The following CYP4F11 variants were observed in gnomAD, a reference collection of about 807,000 sequenced individuals.
CYP4F11 encodes cytochrome P450 4F11.
A neutral mutation model predicts 62.2 loss-of-function variants in CYP4F11; 79 were observed. The ratio of observed to expected loss-of-function variants is 1.27; its 90% CI spans 1.06 to 1.53. The LOEUF (loss-of-function observed/expected upper bound fraction) is 1.53. Among genes scored for constraint, CYP4F11 ranks in the 40% most tolerant of loss-of-function variants. The pLI is 0.00. For synonymous variants in CYP4F11, 290 were observed against 263.7 expected (o/e 1.10, Z -0.97); for missense variants, 777 against 680.5 (o/e 1.14, Z -1.58).
At chr19:15,924,716 C>T in intron 5 of CYP4F11, 45 bp downstream of exon 5, 1 of 1,593,764 alleles carries the variant, frequency 6.3e-7, no homozygotes, top group African/African-American at 1.3e-5. Context: ...AGCCTACTCC[C>T]TTGGGTTCCA....
rs1555777257 is a variant in CYP4F11, at chr19:15,919,478, A to AGAT, written c.1115+2556_1115+2558dup. ...TGAACGGATGGACAGATGTATAGAT[A>AGAT]GATAGATAGATAGATAGATAGATAG... is the stretch of plus-strand genomic sequence containing the variant. On this transcript the variant is annotated intron_variant, in intron 8 of 11. Coordinates refer to ENST00000402119, the MANE Select transcript of CYP4F11 (RefSeq NM_021187.4). Among the ~76,000 whole-genome samples, 12 of 99,700 alleles carry AGAT rather than the reference A, an allele frequency of 1.2e-4. No individual in the cohort carries two copies. In the South Asian group the frequency reaches 3.7e-3, roughly 31 times the overall value. 65.4% of individuals were successfully genotyped at this position (99,700 alleles called of 152,430 possible).
Position 15,922,370 on chromosome 19 carries a change from A to G in CYP4F11, c.979T>C (p.Phe327Leu), listed in dbSNP as rs762000245. The G allele has an allele frequency of 1.1e-5, 17 of 1,614,046 alleles. No homozygotes were observed. Among genetic ancestry groups the G allele is most frequent in the Non-Finnish European group, 1.4e-5 (17 of 1,179,958 alleles). The change falls in exon 7 of 12, where the codon TTT becomes CTT. Residue 327 changes from phenylalanine to leucine, a missense_variant. Coordinates refer to ENST00000402119, the MANE Select transcript of CYP4F11 (RefSeq NM_021187.4). ...CCCACACTGAGACCCTCACCCTCAA[A>G]CATGAAGGTGTCAGCTTCTGCTCTT... The part of the protein sequence containing the change: ...DIRAEADTFM[F>L]EGHDTTASGL...
intron 2 of CYP4F11, 163 bp from the exon 3 acceptor site, chr19:15,927,646 G>A: frequency 1.1e-6 from 1 of 882,602 alleles, no homozygotes; most frequent in Non-Finnish European, 1.8e-6. Flanking sequence ...GTGGAGGAAG[G>A]AGAGACCAGA....
rs1213508057 is a variant in CYP4F11, at chr19:15,914,915, C to G, written c.1116-20G>C. ...TCGTCCCTAAGAAAACACCCCAGCC[C>G]CAATCATTATCAAGGGAACAAAGAC... On this transcript the variant is annotated intron_variant, in intron 8 of 11. Transcript: ENST00000402119. 6.2e-7 allele frequency: 1 copy of G among 1,612,666 alleles called. No individual in the cohort carries two copies. The highest frequency in any genetic ancestry group is 8.5e-7 in the Non-Finnish European group (1 of 1,179,600).
Position 15,924,813 on chromosome 19 carries a change from T to C in CYP4F11, c.595A>G (p.Thr199Ala), listed in dbSNP as rs2089656523. 1 of 1,613,160 alleles carries C rather than the reference T, an allele frequency of 6.2e-7. No individual in the cohort carries two copies. The highest frequency in any genetic ancestry group is 1.3e-5 in the African/African-American group (1 of 74,876). Reference sequence around the variant, plus strand: ...ACACATTTCTGCAGACTGTCCAAGGTCATGAGGCTGATGTGTTCAAACATG... The same window carrying C: ...ACACATTTCTGCAGACTGTCCAAGGCCATGAGGCTGATGTGTTCAAACATG... ...LDMFEHISLM[T>A]LDSLQKCVFS... The change falls in exon 5 of 12, where the codon ACC becomes GCC. Residue 199 changes from threonine to alanine, a missense_variant. Physicochemically the swap from Thr to Ala is moderately conservative, Grantham distance 58. Coordinates refer to ENST00000402119, the MANE Select transcript of CYP4F11 (RefSeq NM_021187.4).
chr19:15,924,716 C>G, intron 5 of CYP4F11, 45 bp downstream of exon 5: 1 of 1,593,764 alleles, frequency 6.3e-7, no homozygotes, highest in South Asian at 1.1e-5. Flanking sequence ...AGCCTACTCC[C>G]TTGGGTTCCA....
Position 15,913,409 on chromosome 19 carries a change from C to T in CYP4F11, c.*323G>A, listed in dbSNP as rs937183686. ...GTTGTTTCTCGCTGAATCAGAGTCT[C>T]AGTCTTGCTCCTTAAACCCATTCTT... On this transcript the variant is annotated 3_prime_UTR_variant, in exon 12 of 12. Coordinates refer to ENST00000402119, the MANE Select transcript of CYP4F11 (RefSeq NM_021187.4). The T allele has an allele frequency of 5.6e-6, 2 of 355,056 alleles. No homozygotes were observed. The highest frequency in any genetic ancestry group is 1.1e-5 in the Non-Finnish European group (2 of 187,628). 22.0% of individuals were successfully genotyped at this position (355,056 alleles called of 1,614,324 possible). A position where few individuals can be genotyped will look rare whatever the true frequency, so the allele number is the denominator to read the frequency against.
At chr19:15,930,906 C>A (rs867799248) in intron 1 of CYP4F11, among the ~76,000 whole-genome samples, 1 of 152,178 alleles carries the variant, frequency 6.6e-6, no homozygotes, top group African/African-American at 2.4e-5. Flanking sequence ...CTACAGTAAG[C>A]ACCTCCTGCA....
intron 4 of CYP4F11, 70 bp from the exon 5 acceptor site, chr19:15,924,952 C>T (rs1267446941): frequency 2.6e-6 from 4 of 1,513,216 alleles, no homozygotes; most frequent in Non-Finnish European, 8.9e-7. Flanking sequence ...ACCCAAACAT[C>T]AAGATGGACT....
At chr19:15,923,626 T>G (rs1019216812) in intron 6 of CYP4F11, among the ~76,000 whole-genome samples, 186 bp downstream of exon 6, 1 of 152,204 alleles carries the variant, frequency 6.6e-6, no homozygotes, top group African/African-American at 2.4e-5. Flanking sequence ...TCCTCACTAT[T>G]TCAAACTTAG....
At position 15,913,714 on chromosome 19, in the gene CYP4F11, G is replaced by T. The variant is rs915370574; in HGVS notation, c.*18C>A. The stretch of plus-strand genomic sequence containing the variant: ...TTGTTTCTGGGACTCTACAGAGGTG[G>T]GTGGGTGGGTAGGACAGTCACTGTG... On this transcript the variant is annotated 3_prime_UTR_variant, in exon 12 of 12. Coordinates refer to ENST00000402119, the MANE Select transcript of CYP4F11 (RefSeq NM_021187.4). 8 of 1,613,716 alleles carry T rather than the reference G, an allele frequency of 5.0e-6. No individual in the cohort carries two copies. In the African/African-American group the frequency reaches 1.1e-4, roughly 22 times the overall value.
At position 15,934,349 on chromosome 19, in the gene CYP4F11, C is replaced by G. The variant is rs1294091920; in HGVS notation, c.60G>C (p.Leu20=). ...AGGAGCCTCCAACCAGCAGCAGAAG[C>G]AGCCACGGGGATGCTGCCACGGGCC... ...GLGPVAASPW[L]LLLLVGGSWL... Residue 20 remains leucine (L), a synonymous_variant, in exon 1 of 12, where the codon CTG becomes CTC. Transcript: ENST00000402119. 1.9e-6 allele frequency: 3 copies of G among 1,613,306 alleles called. No individual in the cohort carries two copies. Among genetic ancestry groups the G allele is most frequent in the African/African-American group, 2.7e-5 (2 of 74,858 alleles).
Position 15,916,653 on chromosome 19 carries a change from C to T in CYP4F11, c.1116-1758G>A, listed in dbSNP as rs375890071. Among the ~76,000 whole-genome samples, 195 of 152,134 alleles carry T rather than the reference C, an allele frequency of 1.3e-3. 1 individual carries two copies. Among genetic ancestry groups the T allele is most frequent in the African/African-American group, 4.4e-3 (183 of 41,534 alleles). ...CATTTCTCAAAAGAAAATGTACAAA[C>T]GGTGAACAAACATATTTAAAAATGC... On this transcript the variant is annotated intron_variant, in intron 8 of 11. Transcript: ENST00000402119.
chr19:15,924,709 C>T, intron 5 of CYP4F11, 52 bp downstream of exon 5: 1 of 1,589,866 alleles, frequency 6.3e-7, no homozygotes, highest in Non-Finnish European at 8.6e-7. Context: ...CTTTTCCAGC[C>T]TACTCCCTTG....
intron 1 of CYP4F11, 87 bp downstream of exon 1, chr19:15,934,124 C>G: frequency 1.4e-6 from 2 of 1,473,242 alleles, no homozygotes; most frequent in African/African-American, 1.4e-5. Context: ...CAGCCACCCT[C>G]AAAACCCAGC....
chr19:15,926,964 T>C (rs754463172), intron 4 of CYP4F11, among the ~76,000 whole-genome samples: 2 of 152,226 alleles, frequency 1.3e-5, no homozygotes, highest in Non-Finnish European at 2.9e-5. Flanking sequence ...TTTACTCTCT[T>C]GAGTTTGAAG....
At position 15,927,348 on chromosome 19, in the gene CYP4F11, G is replaced by A. The variant is rs1351191564; in HGVS notation, c.398-9C>T. On this transcript the variant is annotated splice_polypyrimidine_tract_variant and intron_variant, in intron 3 of 11. Transcript: ENST00000402119. ...CAGCAGGAGCCCATCCCCTGGCAGG[G>A]CAACCAAGGACAGTGGTCAAGGGCA... is the stretch of plus-strand genomic sequence containing the variant. 1 of 1,614,022 alleles carries A rather than the reference G, an allele frequency of 6.2e-7. No homozygotes were observed. Among genetic ancestry groups the A allele is most frequent in the Non-Finnish European group, 8.5e-7 (1 of 1,179,926 alleles).
At chr19:15,928,081 C>T (rs2089683878) in intron 2 of CYP4F11, 2 of 152,604 alleles carry the variant, frequency 1.3e-5, no homozygotes. Flanking sequence ...ACCCTAAGAC[C>T]TAACTATACT....
intron 1 of CYP4F11, among the ~76,000 whole-genome samples, chr19:15,930,727 G>T (rs12980517): frequency 0.55 from 83,563 of 151,988 alleles, 23,252 homozygotes; most frequent in Non-Finnish European, 0.59. Flanking sequence ...GGAAAAGTCC[G>T]CATGGAAGGA....
Sources: gnomAD v4.1 joint callset for allele counts (sites outside exome capture counted in the v4.1 genomes callset) on GRCh38, gnomAD v4.1.1 for gene constraint, MANE v1.5 for transcripts, NCBI Gene and HGNC (gene_info 2026-07-23, HGNC 2026-07-21) for gene names.